The following FER variants were observed in gnomAD, a reference collection of about 807,000 sequenced individuals.
The protein encoded by FER is FER tyrosine kinase.
A neutral mutation model predicts 111.0 loss-of-function variants in FER; 63 were observed. That is an observed-to-expected ratio of 0.57 (90% CI 0.46 to 0.70). The LOEUF (loss-of-function observed/expected upper bound fraction) is 0.70. Ranked by LOEUF, FER falls within the 30% of genes least tolerant of loss-of-function variation. The pLI, the probability that FER is intolerant of heterozygous loss-of-function variation, is 0.00. For synonymous variants in FER, 327 were observed against 313.9 expected, an observed-to-expected ratio of 1.04 and a Z score of -0.44; for missense variants, 914 against 954.0, an observed-to-expected ratio of 0.96 and a Z score of 0.55.
At chr5:109,055,168 T>G (rs1773457321) in intron 16 of FER, among the ~76,000 whole-genome samples, 3 of 152,222 alleles carry the variant, frequency 2.0e-5, no homozygotes, top group Middle Eastern at 3.4e-3. Flanking sequence ...TCATCTCAAA[T>G]TGGATGAAAG....
At chr5:109,126,250 C>T (rs1044985239) in intron 17 of FER, among the ~76,000 whole-genome samples, 1 of 152,164 alleles carries the variant, frequency 6.6e-6, no homozygotes, top group African/African-American at 2.4e-5. Context: ...AGTCCCTTGG[C>T]CCCATTTTAA....
At chr5:108,754,985 T>C (rs954998214) in intron 1 of FER, among the ~76,000 whole-genome samples, 1 of 152,228 alleles carries the variant, frequency 6.6e-6, no homozygotes, top group Non-Finnish European at 1.5e-5. Context: ...TTGCAAGTGG[T>C]ATTTCCTGAA....
intron 5 of FER, among the ~76,000 whole-genome samples, chr5:108,865,865 G>T (rs555354221): frequency 6.6e-6 from 1 of 152,304 alleles, no homozygotes; most frequent in African/African-American, 2.4e-5. Flanking sequence ...TCAGAGAAAT[G>T]CAAATCAAAA....
At chr5:109,120,190 C>T (rs557953941) in intron 17 of FER, among the ~76,000 whole-genome samples, 18 of 152,198 alleles carry the variant, frequency 1.2e-4, no homozygotes, top group African/African-American at 4.1e-4. Flanking sequence ...GCCCAATGTC[C>T]TGGAGAGTTT....
intron 13 of FER, among the ~76,000 whole-genome samples, chr5:109,022,026 A>T (rs1302287336): frequency 6.6e-6 from 1 of 152,068 alleles, no homozygotes; most frequent in African/African-American, 2.4e-5. Flanking sequence ...ATGTCCTTAG[A>T]TCCAAAAGGA....
intron 16 of FER, among the ~76,000 whole-genome samples, chr5:109,091,766 G>A (rs1746791831): frequency 6.6e-6 from 1 of 152,156 alleles, no homozygotes; most frequent in Non-Finnish European, 1.5e-5. Flanking sequence ...GACAAATGCT[G>A]TGGTTTGAAT....
chr5:108,807,327 T>G (rs1757306941), intron 3 of FER, among the ~76,000 whole-genome samples: 2 of 152,214 alleles, frequency 1.3e-5, no homozygotes, highest in Non-Finnish European at 2.9e-5. Context: ...GAAAACAGAC[T>G]AATATATTCC....
At chr5:109,160,428 A>AATTG (rs1282520739) in intron 17 of FER, among the ~76,000 whole-genome samples, 1 of 152,152 alleles carries the variant, frequency 6.6e-6, no homozygotes, top group Admixed American at 6.6e-5. Context: ...ATATATACAT[A>AATTG]ATTGCAAATG....
chr5:109,040,112 A>G (rs1257356002), intron 14 of FER, among the ~76,000 whole-genome samples: 3 of 152,048 alleles, frequency 2.0e-5, no homozygotes, highest in Non-Finnish European at 4.4e-5. Flanking sequence ...GAACGAGAAG[A>G]GGTGTTCAGT....
intron 1 of FER, among the ~76,000 whole-genome samples, chr5:108,763,644 T>C (rs959233447): frequency 2.0e-5 from 3 of 152,168 alleles, no homozygotes; most frequent in Non-Finnish European, 2.9e-5. Flanking sequence ...CAAAGCTCTT[T>C]GGAGTTTTCT....
At chr5:109,140,482 A>G (rs1753406898) in intron 17 of FER, among the ~76,000 whole-genome samples, 1 of 152,240 alleles carries the variant, frequency 6.6e-6, no homozygotes, top group Non-Finnish European at 1.5e-5. Context: ...GTGAAATAGA[A>G]AAACAAAATT....
intron 13 of FER, among the ~76,000 whole-genome samples, chr5:108,993,535 G>C (rs940412376): frequency 6.6e-6 from 1 of 151,816 alleles, no homozygotes; most frequent in Non-Finnish European, 1.5e-5. Context: ...TGTGGAAAGA[G>C]AGGGAGAGGG....
intron 17 of FER, among the ~76,000 whole-genome samples, chr5:109,139,476 C>CT (rs1224070446): frequency 1.3e-5 from 2 of 150,914 alleles, no homozygotes; most frequent in East Asian, 3.9e-4. Context: ...ACTTCTCCTT[C>CT]TTTATAACCT....
chr5:109,031,611 A>T (rs1581725148), intron 13 of FER, among the ~76,000 whole-genome samples: 1 of 152,260 alleles, frequency 6.6e-6, no homozygotes, highest in African/African-American at 2.4e-5. Context: ...GTACATTTCT[A>T]GTTTTTCACT....
intron 8 of FER, among the ~76,000 whole-genome samples, chr5:108,873,081 A>C (rs1764757417): frequency 1.3e-5 from 2 of 152,202 alleles, no homozygotes; most frequent in African/African-American, 4.8e-5. Flanking sequence ...TAATTAGCTA[A>C]GGTAGGAAAT....
At chr5:109,133,630 A>G (rs1445553089) in intron 17 of FER, among the ~76,000 whole-genome samples, 1 of 152,150 alleles carries the variant, frequency 6.6e-6, no homozygotes, top group African/African-American at 2.4e-5. Context: ...TGACTATTTG[A>G]AAAATTGAAA....
chr5:108,874,783 T>C (rs761009118), intron 8 of FER, among the ~76,000 whole-genome samples: 11 of 152,000 alleles, frequency 7.2e-5, no homozygotes, highest in Admixed American at 7.2e-4. Context: ...AAATTACCAA[T>C]AGTACTTGGA....
At chr5:108,927,111 T>A (rs11950165) in intron 10 of FER, among the ~76,000 whole-genome samples, 42,220 of 151,748 alleles carry the variant, frequency 0.28, 6,420 homozygotes, top group African/African-American at 0.41. Flanking sequence ...CACTTCCCTC[T>A]CCTATTATAA....
intron 2 of FER, among the ~76,000 whole-genome samples, chr5:108,778,309 C>G (rs557632359): frequency 1.2e-3 from 184 of 152,280 alleles, no homozygotes; most frequent in African/African-American, 4.1e-3. Context: ...TCAACTCTTT[C>G]CATACCAAGG....
Sources: gnomAD v4.1 joint callset for allele counts (sites outside exome capture counted in the v4.1 genomes callset) on GRCh38, gnomAD v4.1.1 for gene constraint, MANE v1.5 for transcripts, NCBI Gene and HGNC (gene_info 2026-07-23, HGNC 2026-07-21) for gene names.